The following TSPAN18 variants were observed in gnomAD, a reference collection of about 807,000 sequenced individuals.
TSPAN18 encodes tetraspanin 18.
Under a neutral mutation model 27.3 loss-of-function variants are expected in TSPAN18, and 14 were observed. That is an observed-to-expected ratio of 0.51 (90% CI 0.34 to 0.80). TSPAN18 has a LOEUF of 0.80. TSPAN18 is among the 30% of genes least tolerant of loss of function. The pLI is 0.01. For missense variants in TSPAN18, 268 were observed against 323.9 expected (o/e 0.83, Z 1.32); for synonymous variants, 143 against 136.5 (o/e 1.05, Z -0.33).
chr11:44,735,672 G>A (rs1013583507), intron 1 of TSPAN18, among the ~76,000 whole-genome samples: 1 of 150,374 alleles, frequency 6.7e-6, no homozygotes, highest in African/African-American at 2.4e-5. Flanking sequence ...AGGCTGGAGC[G>A]CAGTGGCGAT....
chr11:44,885,200 C>T (rs867740700), intron 3 of TSPAN18, among the ~76,000 whole-genome samples: 3 of 152,178 alleles, frequency 2.0e-5, no homozygotes, highest in South Asian at 2.1e-4. Flanking sequence ...CCCATCACAT[C>T]GATGTCCCTT....
intron 1 of TSPAN18, among the ~76,000 whole-genome samples, chr11:44,733,626 A>G (rs1174402793): frequency 5.3e-5 from 8 of 151,922 alleles, no homozygotes. Flanking sequence ...TGAGGAGGGG[A>G]GGTTGCAGGA....
chr11:44,903,057 G>A (rs1217488139), intron 3 of TSPAN18, among the ~76,000 whole-genome samples: 2 of 152,076 alleles, frequency 1.3e-5, no homozygotes, highest in Admixed American at 6.5e-5. Flanking sequence ...GCACAGCCAC[G>A]ACTCTGCTCC....
chr11:44,920,846 A>T (rs8181600), intron 8 of TSPAN18, among the ~76,000 whole-genome samples: 22,503 of 152,238 alleles, frequency 0.15, 1,730 homozygotes, highest in African/African-American at 0.19. Context: ...CGATCTCATT[A>T]GAGGACGCGC....
intron 1 of TSPAN18, among the ~76,000 whole-genome samples, chr11:44,738,054 T>C (rs1251371179): frequency 2.6e-5 from 4 of 152,272 alleles, no homozygotes; most frequent in Middle Eastern, 3.4e-3. Context: ...ATTTATTTCC[T>C]CCACTTTGGT....
At chr11:44,787,426 T>G (rs1190630079) in intron 2 of TSPAN18, among the ~76,000 whole-genome samples, 1 of 152,080 alleles carries the variant, frequency 6.6e-6, no homozygotes, top group African/African-American at 2.4e-5. Flanking sequence ...CAGTCATGGG[T>G]GGTGCAGAGC....
At chr11:44,738,533 C>G (rs1854853201) in intron 1 of TSPAN18, among the ~76,000 whole-genome samples, 1 of 152,074 alleles carries the variant, frequency 6.6e-6, no homozygotes, top group African/African-American at 2.4e-5. Context: ...TTTGTTTCTC[C>G]AGTTTTAGAG....
chr11:44,881,146 T>C (rs1401955996), intron 3 of TSPAN18, among the ~76,000 whole-genome samples: 1 of 152,200 alleles, frequency 6.6e-6, no homozygotes, highest in Non-Finnish European at 1.5e-5. Flanking sequence ...TCTTCACTGC[T>C]GAGAAATGGG....
chr11:44,748,249 A>G (rs145206524), intron 1 of TSPAN18, among the ~76,000 whole-genome samples: 34 of 152,228 alleles, frequency 2.2e-4, no homozygotes, highest in African/African-American at 7.9e-4. Context: ...CTTTACTAAA[A>G]ATACAGAAAT....
At chr11:44,928,829 G>T (rs917398792) in intron 9 of TSPAN18, among the ~76,000 whole-genome samples, 1 of 152,200 alleles carries the variant, frequency 6.6e-6, no homozygotes, top group Admixed American at 6.5e-5. Flanking sequence ...GCAAGCTCTG[G>T]ATACATACTC....
At chr11:44,729,781 G>A (rs1407114499) in intron 1 of TSPAN18, among the ~76,000 whole-genome samples, 1 of 152,102 alleles carries the variant, frequency 6.6e-6, no homozygotes, top group Admixed American at 6.6e-5. Context: ...TTTAAAAAAT[G>A]AGATTTTAAT....
At chr11:44,862,063 T>C (rs1857907866) in intron 3 of TSPAN18, among the ~76,000 whole-genome samples, 1 of 152,032 alleles carries the variant, frequency 6.6e-6, no homozygotes, top group Admixed American at 6.5e-5. Flanking sequence ...TGAGCCTCTT[T>C]AGGGTTTTTT....
intron 2 of TSPAN18, among the ~76,000 whole-genome samples, chr11:44,846,534 A>C (rs1157814139): frequency 6.6e-6 from 1 of 152,078 alleles, no homozygotes; most frequent in Non-Finnish European, 1.5e-5. Context: ...AAGTCTAAGG[A>C]GGCCCGAATA....
chr11:44,842,117 C>T (rs929325886), intron 2 of TSPAN18, among the ~76,000 whole-genome samples: 4 of 152,206 alleles, frequency 2.6e-5, no homozygotes, highest in African/African-American at 7.2e-5. Context: ...GACTCCAGCT[C>T]TAGTGGTCCT....
rs187324935 is a variant in TSPAN18, at chr11:44,727,094, C to G, written c.-433C>G. ...CCAGCCCCGGCCCCGGCCCCGGCCC[C>G]GGCCCCGGCCCCGGTCCCGGCCCCG... On this transcript the variant is annotated 5_prime_UTR_variant, in exon 1 of 10. Coordinates refer to ENST00000520358, the MANE Select transcript of TSPAN18 (RefSeq NM_130783.5). 1.2e-3 allele frequency: 29 copies of G among 23,222 alleles called. No individual in the cohort carries two copies. Among genetic ancestry groups the G allele is most frequent in the Non-Finnish European group, 7.7e-3 (16 of 2,088 alleles). 1.4% of individuals were successfully genotyped at this position (23,222 alleles called of 1,614,324 possible). A position where few individuals can be genotyped will look rare whatever the true frequency, so the allele number is the denominator to read the frequency against.
intron 2 of TSPAN18, among the ~76,000 whole-genome samples, chr11:44,825,695 C>G (rs1465073344): frequency 6.6e-6 from 1 of 152,190 alleles, no homozygotes; most frequent in Non-Finnish European, 1.5e-5. Context: ...GCATTTGAAC[C>G]TGATGGAAAT....
intron 3 of TSPAN18, among the ~76,000 whole-genome samples, chr11:44,883,005 T>C (rs560076424): frequency 6.0e-4 from 91 of 152,320 alleles, no homozygotes; most frequent in African/African-American, 1.9e-3. Flanking sequence ...TGTCTGTGTT[T>C]AGCAGGGCAG....
At chr11:44,881,094 T>C (rs1212020746) in intron 3 of TSPAN18, among the ~76,000 whole-genome samples, 1 of 152,226 alleles carries the variant, frequency 6.6e-6, no homozygotes, top group Non-Finnish European at 1.5e-5. Context: ...CACTTTCTAG[T>C]GTGTGACCTT....
At chr11:44,895,904 G>A (rs112593640) in intron 3 of TSPAN18, among the ~76,000 whole-genome samples, 3,718 of 152,262 alleles carry the variant, frequency 0.024, 160 homozygotes, top group African/African-American at 0.084. Context: ...CTGGGCATGG[G>A]GTGCAGGCCC....
Sources: gnomAD v4.1 joint callset for allele counts (sites outside exome capture counted in the v4.1 genomes callset) on GRCh38, gnomAD v4.1.1 for gene constraint, MANE v1.5 for transcripts, NCBI Gene and HGNC (gene_info 2026-07-23, HGNC 2026-07-21) for gene names.